The following TTLL11 variants were observed in gnomAD, a reference collection of about 807,000 sequenced individuals.
TTLL11 encodes the protein tubulin tyrosine ligase like 11, also known as tubulin polyglutamylase TTLL11.
TTLL11 carries 42 observed loss-of-function variants against 51.7 expected under a neutral mutation model. The observed-to-expected ratio is 0.81, with a 90% CI of 0.64 to 1.05. The LOEUF (loss-of-function observed/expected upper bound fraction) is 1.05, where lower values mean the gene tolerates loss of function less well. TTLL11 is among the 50% of genes least tolerant of loss of function. The pLI, the probability that TTLL11 is intolerant of heterozygous loss-of-function variation, is 0.00. For synonymous variants in TTLL11, 381 were observed against 383.5 expected (o/e 0.99, Z 0.08); for missense variants, 799 against 940.4 (o/e 0.85, Z 1.97).
At chr9:121,913,687 C>T (rs1425965885) in intron 6 of TTLL11, among the ~76,000 whole-genome samples, 1 of 152,172 alleles carries the variant, frequency 6.6e-6, no homozygotes, top group Admixed American at 6.5e-5. Context: ...AACCAGGACA[C>T]TACTGAACTG....
At chr9:121,856,061 C>T (rs115095044) in intron 8 of TTLL11, among the ~76,000 whole-genome samples, 2,435 of 152,252 alleles carry the variant, frequency 0.016, 71 homozygotes, top group African/African-American at 0.056. Context: ...TATTCAAATA[C>T]TAGGGTCCCC....
intron 3 of TTLL11, among the ~76,000 whole-genome samples, chr9:122,017,696 T>C (rs933313951): frequency 2.0e-5 from 3 of 152,074 alleles, no homozygotes; most frequent in African/African-American, 7.2e-5. Context: ...CTCCTGACCT[T>C]GTGATCTGCC....
chr9:121,882,872 T>A (rs1293322965), intron 6 of TTLL11, among the ~76,000 whole-genome samples: 1 of 152,244 alleles, frequency 6.6e-6, no homozygotes, highest in Admixed American at 6.5e-5. Context: ...TCTAAATTTA[T>A]ATCACAGTCA....
chr9:121,857,069 G>A (rs1837846164), intron 8 of TTLL11, among the ~76,000 whole-genome samples: 1 of 152,174 alleles, frequency 6.6e-6, no homozygotes. Flanking sequence ...TGAGACCACA[G>A]GCACAGAAGG....
At chr9:121,992,776 A>G (rs527368791) in intron 3 of TTLL11, among the ~76,000 whole-genome samples, 6 of 152,316 alleles carry the variant, frequency 3.9e-5, no homozygotes, top group African/African-American at 1.4e-4. Context: ...CCGCGGGCCT[A>G]CTGAAAACTT....
chr9:121,856,000 A>G (rs1837806112), intron 8 of TTLL11, among the ~76,000 whole-genome samples: 1 of 152,152 alleles, frequency 6.6e-6, no homozygotes, highest in Admixed American at 6.5e-5. Flanking sequence ...TGTGACTGAG[A>G]GCACTGGGTA....
intron 2 of TTLL11, among the ~76,000 whole-genome samples, chr9:122,034,809 A>T (rs2131815403): frequency 6.6e-6 from 1 of 152,262 alleles, no homozygotes; most frequent in East Asian, 1.9e-4. Flanking sequence ...TGCTGACTTC[A>T]GGCCCTACTG....
At chr9:122,056,684 C>T (rs552581436) in intron 1 of TTLL11, among the ~76,000 whole-genome samples, 1 of 152,264 alleles carries the variant, frequency 6.6e-6, no homozygotes, top group Admixed American at 6.5e-5. Flanking sequence ...GACCTGGCCC[C>T]ACCTAGGAGC....
intron 8 of TTLL11, among the ~76,000 whole-genome samples, chr9:121,836,148 A>C (rs559960539): frequency 3.6e-4 from 54 of 152,002 alleles, no homozygotes; most frequent in Non-Finnish European, 7.1e-4. Context: ...ATGGCCCCTG[A>C]TTGTCTGTGG....
chr9:122,072,598 C>T (rs1845757479), intron 1 of TTLL11, among the ~76,000 whole-genome samples: 3 of 152,232 alleles, frequency 2.0e-5, no homozygotes, highest in African/African-American at 4.8e-5. Context: ...GAGCTGAGAT[C>T]GTGCCACTGC....
Position 121,816,331 on chromosome 9 carries a change from T to G in TTLL11, c.*6256A>C, listed in dbSNP as rs986552918. The G allele has an allele frequency of 6.6e-6, 1 of 152,174 alleles. No homozygotes were observed. The highest frequency in any genetic ancestry group is 2.4e-5 in the African/African-American group (1 of 41,432). 9.4% of individuals were successfully genotyped at this position (152,174 alleles called of 1,614,324 possible). ...CAGTCAGTGTTCTGTGGCCCAAGAC[T>G]GGGTCCTGGTTGGAATCTTAGCAAA... On this transcript the variant is annotated 3_prime_UTR_variant, in exon 9 of 9. Transcript: ENST00000321582.
intron 3 of TTLL11, among the ~76,000 whole-genome samples, chr9:122,013,411 G>A (rs570916537): frequency 3.0e-4 from 45 of 152,134 alleles, no homozygotes; most frequent in Non-Finnish European, 5.7e-4. Flanking sequence ...TGGAGACATC[G>A]GCTCTGAACA....
At chr9:121,876,837 C>T (rs1250116636) in intron 6 of TTLL11, among the ~76,000 whole-genome samples, 1 of 152,196 alleles carries the variant, frequency 6.6e-6, no homozygotes, top group Non-Finnish European at 1.5e-5. Context: ...GACCTACTGA[C>T]TCAGAAACTC....
intron 1 of TTLL11, among the ~76,000 whole-genome samples, chr9:122,077,544 T>C (rs1288027598): frequency 1.3e-5 from 2 of 152,016 alleles, no homozygotes; most frequent in Non-Finnish European, 2.9e-5. Context: ...TTAAAAAAGA[T>C]ATGAAATCAC....
chr9:122,039,463 C>T, intron 1 of TTLL11, 95 bp from the exon 2 acceptor site: 1 of 920,656 alleles, frequency 1.1e-6, no homozygotes, highest in East Asian at 2.5e-5. Flanking sequence ...CCCTGGTGTA[C>T]TTACCATGGT....
intron 6 of TTLL11, among the ~76,000 whole-genome samples, chr9:121,882,685 C>T (rs1271864542): frequency 6.6e-6 from 1 of 152,134 alleles, no homozygotes; most frequent in East Asian, 1.9e-4. Flanking sequence ...CCTCGTGCCA[C>T]CTCTCTGTGT....
chr9:121,906,872 T>C lies in TTLL11; in HGVS notation c.1482-36124A>G, dbSNP rs533778276. Among the ~76,000 whole-genome samples the C allele has an allele frequency of 1.9e-4, 29 of 152,218 alleles. No homozygotes were observed. The South Asian group carries it at 5.8e-3, about 31-fold the overall frequency. On this transcript the variant is annotated intron_variant, in intron 6 of 8. Transcript: ENST00000321582. ...GTCCAGAGAGGAGTAAAAAGCTCTA[T>C]CTGCCTTCCTAAAGTTCCTGGAGAC...
chr9:121,942,697 C>T (rs1343798174), intron 6 of TTLL11, among the ~76,000 whole-genome samples: 4 of 151,574 alleles, frequency 2.6e-5, no homozygotes, highest in Admixed American at 2.6e-4. Context: ...CAAAATTAAC[C>T]TCCTGCTACT....
intron 6 of TTLL11, among the ~76,000 whole-genome samples, chr9:121,889,079 C>T (rs934248470): frequency 6.6e-6 from 1 of 152,060 alleles, no homozygotes; most frequent in African/African-American, 2.4e-5. Context: ...ATATCTAATA[C>T]ATCGTGAGTT....
Sources: allele counts gnomAD v4.1 joint callset (sites outside exome capture counted in the v4.1 genomes callset), GRCh38; gene constraint gnomAD v4.1.1; transcripts MANE v1.5; gene names NCBI Gene and HGNC (gene_info 2026-07-23, HGNC 2026-07-21).